The following KIRREL3 variants were observed in gnomAD, a reference collection of about 807,000 sequenced individuals.
KIRREL3 encodes the protein kin of IRRE-like protein 3.
A neutral mutation model predicts 89.7 loss-of-function variants in KIRREL3; 36 were observed. The observed-to-expected ratio is 0.40, with a 90% CI of 0.31 to 0.53. The LOEUF (loss-of-function observed/expected upper bound fraction) is 0.53. Ranked by LOEUF, KIRREL3 falls within the 20% of genes least tolerant of loss-of-function variation. The pLI is 0.49. For missense variants in KIRREL3, 864 were observed against 1,056.6 expected, an observed-to-expected ratio of 0.82 and a Z score of 2.53; for synonymous variants, 445 against 441.4, an observed-to-expected ratio of 1.01 and a Z score of -0.10.
At chr11:126,925,249 C>T (rs377518252) in intron 1 of KIRREL3, among the ~76,000 whole-genome samples, 1 of 152,162 alleles carries the variant, frequency 6.6e-6, no homozygotes, top group Non-Finnish European at 1.5e-5. Flanking sequence ...GCTGTTGGTG[C>T]CGTGGGATCT....
Position 126,982,175 on chromosome 11 carries a change from A to C in KIRREL3, c.55+18280T>G, listed in dbSNP as rs2135250053. On this transcript the variant is annotated intron_variant, in intron 1 of 16. Coordinates refer to ENST00000525144, the MANE Select transcript of KIRREL3 (RefSeq NM_032531.4). ...TTCCTCAAGGGCTGAACATTTGAGA[A>C]ACCTATTATCATTATCAACCTATTA... Among the ~76,000 whole-genome samples the C allele has an allele frequency of 2.0e-5, 3 of 152,320 alleles. No homozygotes were observed. In the South Asian group the frequency reaches 6.2e-4, roughly 32 times the overall value.
At position 126,604,396 on chromosome 11, in the gene KIRREL3, A is replaced by G. The variant is rs60640709; in HGVS notation, c.56-41484T>C. ...CTAGCATTCTTTAATAAGAACAGTA[A>G]GAGCTGCCATTTGTTGAACATGTAC... On this transcript the variant is annotated intron_variant, in intron 1 of 16. Transcript: ENST00000525144. Among the ~76,000 whole-genome samples, 328 of 152,372 alleles carry G rather than the reference A, an allele frequency of 2.2e-3. 2 individuals are homozygous for G. Among genetic ancestry groups the G allele is most frequent in the African/African-American group, 7.1e-3 (296 of 41,584 alleles).
intron 4 of KIRREL3, among the ~76,000 whole-genome samples, chr11:126,499,321 C>G (rs761343858): frequency 5.3e-5 from 8 of 152,106 alleles, no homozygotes; most frequent in Non-Finnish European, 1.0e-4. Context: ...GGGACTTCCC[C>G]TTTCTTTTTC....
rs751178376 is a variant in KIRREL3 at position 126,459,378 on chromosome 11, C to T, written c.743-2924G>A. Among the ~76,000 whole-genome samples, 1 of 152,198 alleles carries T rather than the reference C, an allele frequency of 6.6e-6. No homozygotes were observed. The highest frequency in any genetic ancestry group is 2.1e-4 in the South Asian group (1 of 4,832). ...CGTAAGGCTGCTCTCCTGCACTTTC[C>T]CTTCCTCTTAGCATCGTCTTTGGTG... On this transcript the variant is annotated intron_variant, in intron 6 of 16. Coordinates refer to ENST00000525144, the MANE Select transcript of KIRREL3 (RefSeq NM_032531.4). The surrounding 1 kb of genome is among the most constrained non-coding windows in gnomAD (Gnocchi z 4.8).
At chr11:126,629,934 T>C (rs1045861785) in intron 1 of KIRREL3, among the ~76,000 whole-genome samples, 2 of 152,208 alleles carry the variant, frequency 1.3e-5, no homozygotes, top group Non-Finnish European at 2.9e-5. Context: ...AAACAGTCCC[T>C]TTATTAAACT....
In KIRREL3 at chr11:126,563,328, C is replaced by G. The variant is rs1481512940; in HGVS notation, c.56-416G>C. ...AGATCAACTTGGGACTGTGGCCAGA[C>G]CTGCCAGGGATGATGCAGAATCTAT... On this transcript the variant is annotated intron_variant, in intron 1 of 16. Transcript: ENST00000525144. This position sits in a 1 kb window ranked among gnomAD's most constrained non-coding sequence, Gnocchi z 6.8. Among the ~76,000 whole-genome samples the G allele has an allele frequency of 2.0e-5, 3 of 152,158 alleles. No individual in the cohort carries two copies. Among genetic ancestry groups the G allele is most frequent in the African/African-American group, 7.2e-5 (3 of 41,422 alleles).
rs1565423238 is a variant in KIRREL3, at chr11:126,923,196, T to TTCTTC, written c.55+77254_55+77258dup. ...TTCTTCTCTTCTTCTTCTCTTCTTCTTCTTCTTCTTCTTCTTCTTCTTCTT... is the reference window on the plus strand; with the variant it reads ...TTCTTCTCTTCTTCTTCTCTTCTTCTTCTTCTCTTCTTCTTCTTCTTCTTCTTCTT... On this transcript the variant is annotated intron_variant, in intron 1 of 16. Transcript: ENST00000525144. Among the ~76,000 whole-genome samples the TTCTTC allele has an allele frequency of 7.9e-3, 74 of 9,328 alleles. 8 individuals are homozygous for TTCTTC. The highest frequency in any genetic ancestry group is 0.032 in the African/African-American group (32 of 1,000). 6.1% of individuals were successfully genotyped at this position (9,328 alleles called of 152,430 possible).
chr11:126,424,844 G>A lies in KIRREL3; in HGVS notation c.2073C>T (p.Tyr691=), dbSNP rs776552881. ...TLSGQGRLYD[Y]GQRFVLGMGS... is the part of the protein sequence containing the mutation. ...CCATGCCCAGCACAAACCGCTGCCC[G>A]TAGTCGTAGAGGCGGCCCTGGCCGC... Residue 691 remains tyrosine, a synonymous_variant, in exon 17 of 17, where the codon TAC becomes TAT. Coordinates refer to ENST00000525144, the MANE Select transcript of KIRREL3 (RefSeq NM_032531.4). 6.2e-5 allele frequency: 100 copies of A among 1,613,896 alleles called. 1 individual carries two copies. In the South Asian group the frequency reaches 8.0e-4, roughly 13 times the overall value.
At position 126,736,414 on chromosome 11, in the gene KIRREL3, G is replaced by A. The variant is rs1296758364; in HGVS notation, c.56-173502C>T. ...CCAGGATTTGATGAGAGGTCCCCGT[G>A]ACATTTCAACCCAAGCTGTTTTTGG... On this transcript the variant is annotated intron_variant, in intron 1 of 16. Transcript: ENST00000525144. This position sits in a 1 kb window ranked among gnomAD's most constrained non-coding sequence, Gnocchi z 5.0. Among the ~76,000 whole-genome samples the A allele has an allele frequency of 1.3e-5, 2 of 152,172 alleles. No homozygotes were observed. Among genetic ancestry groups the A allele is most frequent in the African/African-American group, 2.4e-5 (1 of 41,428 alleles).
Position 126,689,042 on chromosome 11 carries a change from A to AAAAG in KIRREL3, c.56-126131_56-126130insCTTT, listed in dbSNP as rs1491218034. Reference sequence around the variant, plus strand: ...ATGTGTGTGTGTGTAAGGGGGAGAGAAGAGAGAGAGAGAGAGAGAGAGAGA... The same window carrying AAAAG: ...ATGTGTGTGTGTGTAAGGGGGAGAGAAAAGAGAGAGAGAGAGAGAGAGAGAGAGA... On this transcript the variant is annotated intron_variant, in intron 1 of 16. Transcript: ENST00000525144. The surrounding 1 kb of genome is among the most constrained non-coding windows in gnomAD (Gnocchi z 5.2). 4.3e-4 allele frequency among the ~76,000 whole-genome samples: 56 copies of AAAAG among 129,816 alleles called. No homozygotes were observed. Among genetic ancestry groups the AAAAG allele is most frequent in the African/African-American group, 1.6e-3 (55 of 33,428 alleles). 85.2% of individuals were successfully genotyped at this position (129,816 alleles called of 152,430 possible). A position where few individuals can be genotyped will look rare whatever the true frequency, so the allele number is the denominator to read the frequency against.
At chr11:126,573,996 G>A (rs1941116728) in intron 1 of KIRREL3, among the ~76,000 whole-genome samples, 1 of 152,136 alleles carries the variant, frequency 6.6e-6, no homozygotes, top group African/African-American at 2.4e-5. Context: ...ATACTTTATG[G>A]AAAGTCCACA....
chr11:126,735,562 C>A (rs962640964), intron 1 of KIRREL3, among the ~76,000 whole-genome samples: 1 of 152,164 alleles, frequency 6.6e-6, no homozygotes, highest in African/African-American at 2.4e-5. Context: ...CAATAATGTG[C>A]GTCGGGGAAT....
rs574874295 is a variant in KIRREL3 at position 126,566,084 on chromosome 11, G to A, written c.56-3172C>T. ...TCTCCAAGTAGGCTTTGGGGGTGCTGTCTTTGGCTTTATCAGTAGCAGAAA... is the reference window on the plus strand; with the variant it reads ...TCTCCAAGTAGGCTTTGGGGGTGCTATCTTTGGCTTTATCAGTAGCAGAAA... On this transcript the variant is annotated intron_variant, in intron 1 of 16. Transcript: ENST00000525144. The surrounding 1 kb of genome is among the most constrained non-coding windows in gnomAD (Gnocchi z 4.9). 8.0e-4 allele frequency among the ~76,000 whole-genome samples: 122 copies of A among 152,252 alleles called. No homozygotes were observed. Among genetic ancestry groups the A allele is most frequent in the Middle Eastern group, 6.8e-3 (2 of 294 alleles).
chr11:126,700,411 C>T (rs1401543973), intron 1 of KIRREL3, among the ~76,000 whole-genome samples: 1 of 152,216 alleles, frequency 6.6e-6, no homozygotes. Context: ...CTCTGAAGAA[C>T]AGGACCGGAA....
chr11:126,721,529 CAAAA>C (rs11410774), intron 1 of KIRREL3, among the ~76,000 whole-genome samples: 8,929 of 135,772 alleles, frequency 0.066, 348 homozygotes, highest in African/African-American at 0.12. Flanking sequence ...AACTCCGTCT[CAAAA>C]AAAAAAAAAA....
intron 1 of KIRREL3, among the ~76,000 whole-genome samples, chr11:126,942,463 G>A (rs1250731415): frequency 6.6e-6 from 1 of 152,100 alleles, no homozygotes; most frequent in African/African-American, 2.4e-5. Flanking sequence ...AAGAGATCAA[G>A]GCATAACCCT....
In KIRREL3 at chr11:126,642,405, G is replaced by A. The variant is rs1365700987; in HGVS notation, c.56-79493C>T. On this transcript the variant is annotated intron_variant, in intron 1 of 16. Transcript: ENST00000525144. The surrounding 1 kb of genome is among the most constrained non-coding windows in gnomAD (Gnocchi z 4.9). ...TATTCCAGGACTCCTACAGGGAACA[G>A]GAGGGGAAGAAAATTGCCTCTCTGT... 6.6e-6 allele frequency among the ~76,000 whole-genome samples: 1 copy of A among 152,234 alleles called. No homozygotes were observed. The highest frequency in any genetic ancestry group is 1.5e-5 in the Non-Finnish European group (1 of 68,038).
intron 1 of KIRREL3, among the ~76,000 whole-genome samples, chr11:126,572,698 G>A (rs1418488467): frequency 5.9e-5 from 9 of 152,198 alleles, no homozygotes; most frequent in African/African-American, 1.9e-4. Context: ...GACTGGAGAG[G>A]CAGGGAGGTG....
Position 126,580,883 on chromosome 11 carries a change from C to G in KIRREL3, c.56-17971G>C, listed in dbSNP as rs535087458. Among the ~76,000 whole-genome samples the G allele has an allele frequency of 2.5e-3, 368 of 149,112 alleles. 1 individual carries two copies. The highest frequency in any genetic ancestry group is 3.9e-3 in the Non-Finnish European group (266 of 67,570). On this transcript the variant is annotated intron_variant, in intron 1 of 16. Transcript: ENST00000525144. Reference sequence around the variant, plus strand: ...TTGACTTTACAGTCTCCGGGTTGCACTTGAATCTCAATGGCATCATCCCCT... The same window carrying G: ...TTGACTTTACAGTCTCCGGGTTGCAGTTGAATCTCAATGGCATCATCCCCT...
Sources: gnomAD v4.1 joint callset for allele counts (sites outside exome capture counted in the v4.1 genomes callset) on GRCh38, gnomAD v4.1.1 for gene constraint, Gnocchi (gnomAD v3.1) non-coding constraint, MANE v1.5 for transcripts, NCBI Gene and HGNC (gene_info 2026-07-23, HGNC 2026-07-21) for gene names.